The following RBFOX1 variants were observed in gnomAD, a reference collection of about 807,000 sequenced individuals.
RBFOX1 encodes the protein RNA binding fox-1 homolog 1.
RBFOX1 carries 8 observed loss-of-function variants against 57.7 expected under a neutral mutation model. The observed-to-expected ratio is 0.14, with a 90% CI of 0.08 to 0.25. The LOEUF (loss-of-function observed/expected upper bound fraction) is 0.25. RBFOX1 is among the 10% of genes least tolerant of loss of function. RBFOX1 has a pLI of 1.00. For missense variants in RBFOX1, 611 were observed against 548.5 expected (o/e 1.11, Z -1.14); for synonymous variants, 326 against 222.4 (o/e 1.47, Z -4.15).
intron 2 of RBFOX1, among the ~76,000 whole-genome samples, chr16:5,513,134 T>G (rs2043665982): frequency 6.6e-6 from 1 of 152,178 alleles, no homozygotes; most frequent in Non-Finnish European, 1.5e-5. Flanking sequence ...AGGCTGGTCT[T>G]GAACTCCAGG....
intron 1 of RBFOX1, chr16:5,467,117 T>TAA (rs578085989): frequency 2.2e-5 from 28 of 1,301,190 alleles, no homozygotes; most frequent in Non-Finnish European, 2.7e-5. Flanking sequence ...CATTCTTTTT[T>TAA]AAATCTAAGA....
At chr16:6,992,699 C>T (rs1225711521) in intron 3 of RBFOX1, among the ~76,000 whole-genome samples, 1 of 152,012 alleles carries the variant, frequency 6.6e-6, no homozygotes, top group African/African-American at 2.4e-5. Context: ...CTTCAGAAAC[C>T]AGCTAATGAT....
At chr16:6,839,605 G>T (rs189031894) in intron 3 of RBFOX1, among the ~76,000 whole-genome samples, 2 of 152,222 alleles carry the variant, frequency 1.3e-5, no homozygotes, top group Admixed American at 6.5e-5. Context: ...CTTGTCTTTC[G>T]GGGACCTTGG....
intron 4 of RBFOX1, among the ~76,000 whole-genome samples, chr16:7,225,905 A>AATAAATAAATAAATATATAT (rs66510060): frequency 1.1e-5 from 1 of 93,744 alleles, no homozygotes; most frequent in African/African-American, 4.8e-5. Flanking sequence ...AAGTATAATA[A>AATAAATAAATAAATATATAT]ATATATATAT....
At chr16:7,240,890 C>G (rs1047424628) in intron 4 of RBFOX1, among the ~76,000 whole-genome samples, 1 of 152,102 alleles carries the variant, frequency 6.6e-6, no homozygotes, top group African/African-American at 2.4e-5. Flanking sequence ...TTTTGAAACT[C>G]TTCTTGAAGT....
chr16:6,651,497 C>T (rs1193230287), intron 2 of RBFOX1, among the ~76,000 whole-genome samples: 1 of 152,118 alleles, frequency 6.6e-6, no homozygotes, highest in Non-Finnish European at 1.5e-5. Flanking sequence ...ACTGCCGGTT[C>T]TGTTAAAATA....
At chr16:5,401,297 C>A (rs1237625488) in intron 1 of RBFOX1, among the ~76,000 whole-genome samples, 1 of 152,078 alleles carries the variant, frequency 6.6e-6, no homozygotes, top group East Asian at 1.9e-4. Context: ...ATACAAGTTC[C>A]TAGAAACCGT....
intron 5 of RBFOX1, among the ~76,000 whole-genome samples, chr16:7,550,682 A>C (rs1301433965): frequency 6.6e-6 from 1 of 152,104 alleles, no homozygotes; most frequent in Non-Finnish European, 1.5e-5. Context: ...CTCTGGACGA[A>C]TATGCACCAT....
chr16:6,555,421 T>C (rs928230336), intron 2 of RBFOX1, among the ~76,000 whole-genome samples: 1 of 152,116 alleles, frequency 6.6e-6, no homozygotes, highest in Admixed American at 6.5e-5. Context: ...CCATTCCAGC[T>C]GGGCACGGTG....
intron 1 of RBFOX1, among the ~76,000 whole-genome samples, chr16:5,367,918 T>A (rs62017731): frequency 2.0e-5 from 3 of 152,128 alleles, no homozygotes; most frequent in Non-Finnish European, 2.9e-5. Context: ...GTTAAGAAGA[T>A]CCACACCTCA....
intron 3 of RBFOX1, among the ~76,000 whole-genome samples, chr16:6,970,412 C>G (rs2085275719): frequency 6.6e-6 from 1 of 152,124 alleles, no homozygotes; most frequent in African/African-American, 2.4e-5. Context: ...CTGACTTAGT[C>G]TGCTCAGGCT....
intron 3 of RBFOX1, among the ~76,000 whole-genome samples, chr16:6,676,152 A>ATG (rs1568166407): frequency 4.5e-4 from 52 of 116,172 alleles, no homozygotes; most frequent in African/African-American, 2.1e-3. Context: ...GCACACACAC[A>ATG]CACACACACA....
intron 1 of RBFOX1, among the ~76,000 whole-genome samples, chr16:6,088,701 C>A (rs1316926885): frequency 2.0e-5 from 3 of 152,132 alleles, no homozygotes; most frequent in Admixed American, 1.3e-4. Context: ...TTTCAGGGAG[C>A]CATGAACCCC....
chr16:5,902,675 C>G (rs1458884678), intron 4 of RBFOX1, among the ~76,000 whole-genome samples: 2 of 152,154 alleles, frequency 1.3e-5, no homozygotes, highest in Non-Finnish European at 2.9e-5. Flanking sequence ...CTCGGCCTCC[C>G]AAAGTCCTGG....
intron 3 of RBFOX1, among the ~76,000 whole-genome samples, chr16:6,860,173 A>C (rs1013958039): frequency 2.6e-5 from 4 of 152,190 alleles, no homozygotes; most frequent in African/African-American, 7.2e-5. Context: ...TCATTTTCTG[A>C]GTCATCTGCA....
At chr16:6,365,336 A>G (rs909113408) in intron 2 of RBFOX1, among the ~76,000 whole-genome samples, 6 of 144,140 alleles carry the variant, frequency 4.2e-5, no homozygotes, top group Non-Finnish European at 9.5e-5. Flanking sequence ...GGGTGGGTGG[A>G]TGGATGGATG....
In RBFOX1 at chr16:6,975,753, A is replaced by G. The variant is rs148701252; in HGVS notation, c.-15-76304A>G. ...CATAGGCTGAAAGTTTTCTACTCCT[A>G]TGACCCCTAAAGTGTACTTGGTGGG... is the stretch of plus-strand genomic sequence containing the variant. On this transcript the variant is annotated intron_variant, in intron 3 of 15. Coordinates refer to ENST00000550418, the MANE Select transcript of RBFOX1 (RefSeq NM_018723.4). Among the ~76,000 whole-genome samples, 465 of 152,304 alleles carry G rather than the reference A, an allele frequency of 3.1e-3. 3 individuals are homozygous for G. The highest frequency in any genetic ancestry group is 0.019 in the Admixed American group (295 of 15,294).
chr16:7,502,432 G>A (rs1254455705), intron 4 of RBFOX1, among the ~76,000 whole-genome samples: 1 of 152,240 alleles, frequency 6.6e-6, no homozygotes, highest in East Asian at 1.9e-4. Flanking sequence ...ACAATGTAGG[G>A]GTGGCAGGTG....
At chr16:7,270,287 G>C (rs2095286040) in intron 4 of RBFOX1, among the ~76,000 whole-genome samples, 1 of 152,178 alleles carries the variant, frequency 6.6e-6, no homozygotes, top group Non-Finnish European at 1.5e-5. Flanking sequence ...ACTAACATGT[G>C]AATGACCTGG....
Sources: allele counts gnomAD v4.1 joint callset (sites outside exome capture counted in the v4.1 genomes callset), GRCh38; gene constraint gnomAD v4.1.1; transcripts MANE v1.5; gene names NCBI Gene and HGNC (gene_info 2026-07-23, HGNC 2026-07-21).